SLC30A3: variants seen among roughly 807,000 people sequenced by gnomAD.
SLC30A3 encodes the protein solute carrier family 30 member 3.
In SLC30A3, 20 loss-of-function variants were observed where a neutral mutation model predicts 35.6. The observed-to-expected ratio is 0.56, with a 90% CI of 0.39 to 0.82. The LOEUF (loss-of-function observed/expected upper bound fraction) is 0.82. Among genes scored for constraint, SLC30A3 ranks in the 40% least tolerant of loss-of-function variants. The probability of loss-of-function intolerance (pLI) is 0.00; values close to 1 mark genes in which losing one functional copy is unlikely to be tolerated. For synonymous variants in SLC30A3, 217 were observed against 224.7 expected, an observed-to-expected ratio of 0.97 and a Z score of 0.31; for missense variants, 401 against 530.6, an observed-to-expected ratio of 0.76 and a Z score of 2.40.
At position 27,254,878 on chromosome 2, in the gene SLC30A3, G is replaced by T. The variant is rs1676749216; in HGVS notation, c.*434C>A. The T allele has an allele frequency of 8.5e-6, 3 of 352,222 alleles. No homozygotes were observed. Among genetic ancestry groups the T allele is most frequent in the South Asian group, 7.2e-5 (3 of 41,870 alleles). The allele number at this position is 352,222 out of a possible 1,614,324, so 21.8% of individuals were successfully genotyped here. On this transcript the variant is annotated 3_prime_UTR_variant, in exon 8 of 8. Transcript: ENST00000233535. ...TGCATAGACAGAGCGAGGGCCATGT[G>T]GGGAGGGGGCCCCTACTGACCTCCC... is the stretch of plus-strand genomic sequence containing the variant.
rs1222567495 is a variant in SLC30A3 at position 27,257,718 on chromosome 2, A to G, written c.578+187T>C. The G allele has an allele frequency of 3.1e-6, 2 of 640,324 alleles. No individual in the cohort carries two copies. The highest frequency in any genetic ancestry group is 5.4e-6 in the Non-Finnish European group (2 of 373,534). 39.7% of individuals were successfully genotyped at this position (640,324 alleles called of 1,614,324 possible). A position where few individuals can be genotyped will look rare whatever the true frequency, so the allele number is the denominator to read the frequency against. ...GGCTGGCCCATGGCAGGCCCTTGAC[A>G]GAGATCTGCTGACTGAATTTTAGGT... On this transcript the variant is annotated intron_variant, in intron 4 of 7. Transcript: ENST00000233535. The surrounding 1 kb of genome is among the most constrained non-coding windows in gnomAD (Gnocchi z 4.7).
intron 1 of SLC30A3, among the ~76,000 whole-genome samples, chr2:27,269,475 G>A (rs1417001564): frequency 1.3e-5 from 2 of 151,958 alleles, no homozygotes; most frequent in African/African-American, 2.4e-5. Flanking sequence ...CCAAAGTGCT[G>A]GGCTTACAGG....
rs1199044605 is a variant in SLC30A3, at chr2:27,257,640, G to A, written c.578+265C>T. ...TAGGGGTAATGCTACCTACCTCATG[G>A]GGTGGCTGTGAGGTTTAAATGCAAT... On this transcript the variant is annotated intron_variant, in intron 4 of 7. Transcript: ENST00000233535. This position sits in a 1 kb window ranked among gnomAD's most constrained non-coding sequence, Gnocchi z 4.7. 1.7e-6 allele frequency: 1 copy of A among 597,618 alleles called. No homozygotes were observed. The highest frequency in any genetic ancestry group is 1.9e-5 in the African/African-American group (1 of 53,822). 37.0% of individuals were successfully genotyped at this position (597,618 alleles called of 1,614,324 possible).
At chr2:27,263,111 G>A, upstream of SLC30A3, 1 of 1,345,550 alleles carries the variant, frequency 7.4e-7, no homozygotes, top group Non-Finnish European at 9.5e-7. Flanking sequence ...CGTGGGGCGA[G>A]CTCCCCAAGC....
At position 27,257,821 on chromosome 2, in the gene SLC30A3, G is replaced by A; in HGVS notation, c.578+84C>T. 7.4e-7 allele frequency: 1 copy of A among 1,357,354 alleles called. No individual in the cohort carries two copies. The highest frequency in any genetic ancestry group is 1.0e-6 in the Non-Finnish European group (1 of 979,014). The allele number at this position is 1,357,354 out of a possible 1,614,324, so 84.1% of individuals were successfully genotyped here. On this transcript the variant is annotated intron_variant, in intron 4 of 7. Coordinates refer to ENST00000233535, the MANE Select transcript of SLC30A3 (RefSeq NM_003459.5). The surrounding 1 kb of genome is among the most constrained non-coding windows in gnomAD (Gnocchi z 4.7). Reference sequence around the variant, plus strand: ...GTGTGCGTGTCTGTGTGTCTGGTGGGGAGGAGAGAGCCAGCTCTCCCATCC... The same window carrying A: ...GTGTGCGTGTCTGTGTGTCTGGTGGAGAGGAGAGAGCCAGCTCTCCCATCC...
chr2:27,272,489 C>T (rs1677766349), intron 1 of SLC30A3, among the ~76,000 whole-genome samples: 1 of 151,392 alleles, frequency 6.6e-6, no homozygotes, highest in Non-Finnish European at 1.5e-5. Context: ...CTGGGGAAGG[C>T]AGCTATTTTT....
upstream of SLC30A3, chr2:27,275,727 T>C: frequency 6.2e-6 from 1 of 160,794 alleles, no homozygotes; most frequent in African/African-American, 2.4e-5. Flanking sequence ...CAGCAACGCC[T>C]TTTCTCTTCC....
intron 1 of SLC30A3, among the ~76,000 whole-genome samples, chr2:27,261,407 T>G (rs1460776153): frequency 6.6e-6 from 1 of 152,094 alleles, no homozygotes; most frequent in Non-Finnish European, 1.5e-5. Flanking sequence ...CGGTGACTAA[T>G]GGTCATATGA....
upstream of SLC30A3, among the ~76,000 whole-genome samples, chr2:27,265,514 G>C (rs1013301377): frequency 3.9e-5 from 6 of 152,192 alleles, no homozygotes; most frequent in Non-Finnish European, 8.8e-5. The surrounding 1 kb of genome is among the most constrained non-coding windows in gnomAD (Gnocchi z 5.9). Flanking sequence ...GGAGATTTCA[G>C]GCAAATTTTA....
chr2:27,261,028 G>A (rs1159967278), intron 1 of SLC30A3, among the ~76,000 whole-genome samples: 1 of 152,192 alleles, frequency 6.6e-6, no homozygotes, highest in African/African-American at 2.4e-5. Flanking sequence ...ACTTTGGGGT[G>A]CAGGGAAGGG....
At position 27,272,708 on chromosome 2, in the gene SLC30A3, G is replaced by A. The variant is rs1677777356; in HGVS notation, c.-159+2469C>T. Among the ~76,000 whole-genome samples, 4 of 151,648 alleles carry A rather than the reference G, an allele frequency of 2.6e-5. No homozygotes were observed. The South Asian group carries it at 6.3e-4, about 24-fold the overall frequency. ...CCCAAAGTGCTGAGATTACAGGCAT[G>A]AGCCACTGCGCCTGGCCAACAGCAG... On this transcript the variant is annotated intron_variant, in intron 1 of 5. Transcript: ENST00000424577.
chr2:27,255,735 T>C lies in SLC30A3; in HGVS notation c.1019-275A>G. On this transcript the variant is annotated intron_variant, in intron 7 of 7. Coordinates refer to ENST00000233535, the MANE Select transcript of SLC30A3 (RefSeq NM_003459.5). The surrounding 1 kb of genome is among the most constrained non-coding windows in gnomAD (Gnocchi z 5.2). Reference sequence around the variant, plus strand: ...ATACAGCTCAACATTTCAGCAGCCATACCACCCGATTTCCCAGGACAATCC... The same window carrying C: ...ATACAGCTCAACATTTCAGCAGCCACACCACCCGATTTCCCAGGACAATCC... 1 of 428,452 alleles carries C rather than the reference T, an allele frequency of 2.3e-6. No homozygotes were observed. Among genetic ancestry groups the C allele is most frequent in the Admixed American group, 4.2e-5 (1 of 23,968 alleles). 26.5% of individuals were successfully genotyped at this position (428,452 alleles called of 1,614,324 possible). A position where few individuals can be genotyped will look rare whatever the true frequency, so the allele number is the denominator to read the frequency against.
Position 27,256,256 on chromosome 2 carries a change from G to C in SLC30A3, c.1018+130C>G, listed in dbSNP as rs1444848003. ...TGTGTGTGTGTATGTGTCTATGTGA[G>C]AGAGAGAGACACAGAGAAACAGAGA... On this transcript the variant is annotated intron_variant, in intron 7 of 7. Coordinates refer to ENST00000233535, the MANE Select transcript of SLC30A3 (RefSeq NM_003459.5). The C allele has an allele frequency of 4.1e-5, 44 of 1,061,694 alleles. No homozygotes were observed. In the East Asian group the frequency reaches 6.6e-4, roughly 16 times the overall value. 65.8% of individuals were successfully genotyped at this position (1,061,694 alleles called of 1,614,324 possible). A position where few individuals can be genotyped will look rare whatever the true frequency, so the allele number is the denominator to read the frequency against.
At chr2:27,275,123 G>T in intron 1 of SLC30A3, 2 of 1,218,460 alleles carry the variant, frequency 1.6e-6, no homozygotes, top group Non-Finnish European at 1.1e-6. Context: ...CCTAAGTCCT[G>T]AAGACAACTG....
upstream of SLC30A3, chr2:27,275,483 C>T (rs1368109905): frequency 2.1e-5 from 7 of 336,234 alleles, no homozygotes; most frequent in Admixed American, 2.1e-4. Flanking sequence ...AACTGCTGGA[C>T]CCGGCCGGTG....
chr2:27,261,741 GC>G (rs1489009111), intron 1 of SLC30A3, among the ~76,000 whole-genome samples: 5 of 152,028 alleles, frequency 3.3e-5, no homozygotes, highest in Non-Finnish European at 7.4e-5. Flanking sequence ...CGTAGCAGGG[GC>G]TGAACCAAAA....
chr2:27,256,080 G>GCC (rs1676829073), intron 7 of SLC30A3: 4 of 394,994 alleles, frequency 1.0e-5, no homozygotes, highest in African/African-American at 8.0e-5. Context: ...ACCTAACTGT[G>GCC]CCCCATCACT....
In SLC30A3 at chr2:27,258,462, AT is replaced by A. The variant is rs1245800096; in HGVS notation, c.278-156del. 4 of 685,260 alleles carry A rather than the reference AT, an allele frequency of 5.8e-6. No homozygotes were observed. The East Asian group carries it at 8.6e-5, about 15-fold the overall frequency. 42.4% of individuals were successfully genotyped at this position (685,260 alleles called of 1,614,324 possible). A position where few individuals can be genotyped will look rare whatever the true frequency, so the allele number is the denominator to read the frequency against. On this transcript the variant is annotated intron_variant, in intron 2 of 7. Transcript: ENST00000233535. The surrounding 1 kb of genome is among the most constrained non-coding windows in gnomAD (Gnocchi z 4.0). ...AGGTATAATTAACTACTGTTATGTT[AT>A]TTTTTTCATTCATCTGTATTTTATT...
chr2:27,264,177 C>T, upstream of SLC30A3: 1 of 667,402 alleles, frequency 1.5e-6, no homozygotes, highest in Non-Finnish European at 2.4e-6. This position sits in a 1 kb window ranked among gnomAD's most constrained non-coding sequence, Gnocchi z 6.1. Context: ...AGCGAGTGAG[C>T]AGGGATGGGG....
Sources: gnomAD v4.1 joint callset for allele counts (sites outside exome capture counted in the v4.1 genomes callset) on GRCh38, gnomAD v4.1.1 for gene constraint, Gnocchi (gnomAD v3.1) non-coding constraint, MANE v1.5 for transcripts, NCBI Gene and HGNC (gene_info 2026-07-23, HGNC 2026-07-21) for gene names.